SLC9A2: variants seen among roughly 807,000 people sequenced by gnomAD.
SLC9A2 encodes the protein sodium/hydrogen exchanger 2.
Under a neutral mutation model 71.7 loss-of-function variants are expected in SLC9A2, and 42 were observed. The observed-to-expected ratio is 0.59, with a 90% CI of 0.46 to 0.76. The LOEUF (loss-of-function observed/expected upper bound fraction) is 0.76. Among genes scored for constraint, SLC9A2 ranks in the 30% least tolerant of loss-of-function variants. The pLI is 0.00. For synonymous variants in SLC9A2, 396 were observed against 392.5 expected, an observed-to-expected ratio of 1.01 and a Z score of -0.10; for missense variants, 829 against 1,017.4, an observed-to-expected ratio of 0.81 and a Z score of 2.52.
chr2:102,670,178 A>ATT (rs397709089), intron 3 of SLC9A2, among the ~76,000 whole-genome samples: 4,921 of 145,732 alleles, frequency 0.034, 177 homozygotes, highest in Middle Eastern at 0.085. Flanking sequence ...CTACCCAGCT[A>ATT]TTTTTTTTTT....
chr2:102,670,599 CA>C (rs66543071), intron 3 of SLC9A2, among the ~76,000 whole-genome samples: 4,635 of 80,132 alleles, frequency 0.058, 41 homozygotes, highest in African/African-American at 0.13. Context: ...CTCCCCCCAC[CA>C]AAAAAAAAAA....
chr2:102,634,711 A>AT (rs879521086), intron 1 of SLC9A2, among the ~76,000 whole-genome samples: 24 of 151,898 alleles, frequency 1.6e-4, no homozygotes, highest in Non-Finnish European at 8.8e-5. Flanking sequence ...TAAAAAAATC[A>AT]TTTTTTTTCT....
chr2:102,708,396 T>A lies in SLC9A2; in HGVS notation c.2346T>A (p.Thr782=), dbSNP rs781651524. The change falls in exon 12 of 12, where the codon ACT becomes ACA. Residue 782 remains threonine, a synonymous_variant. Coordinates refer to ENST00000233969, the MANE Select transcript of SLC9A2 (RefSeq NM_003048.6). The part of the protein sequence containing the change: ...QSGSEREDSL[T]EGIPPKPPPR... ...GCTCAGAGAGGGAAGACAGTTTGAC[T>A]GAAGGCATCCCGCCCAAGCCGCCAC... is the stretch of plus-strand genomic sequence containing the variant. 1 of 1,614,070 alleles carries A rather than the reference T, an allele frequency of 6.2e-7. No homozygotes were observed. The highest frequency in any genetic ancestry group is 1.7e-5 in the Admixed American group (1 of 60,002).
At position 102,646,768 on chromosome 2, in the gene SLC9A2, A is replaced by AATATAT. The variant is rs201347551; in HGVS notation, c.290-10779_290-10774dup. On this transcript the variant is annotated intron_variant, in intron 1 of 11. Transcript: ENST00000233969. The stretch of plus-strand genomic sequence containing the variant: ...GCAGCAAGAAGAGCTAACGATCCTA[A>AATATAT]ATATATATATATATATATATATCTC... Among the ~76,000 whole-genome samples, 737 of 132,916 alleles carry AATATAT rather than the reference A, an allele frequency of 5.5e-3. 22 individuals carry two copies. Among genetic ancestry groups the AATATAT allele is most frequent in the African/African-American group, 8.0e-3 (256 of 32,146 alleles). The allele number at this position is 132,916 out of a possible 152,430, so 87.2% of individuals were successfully genotyped here.
chr2:102,672,976 A>G (rs1180273477), intron 3 of SLC9A2, among the ~76,000 whole-genome samples: 1 of 151,820 alleles, frequency 6.6e-6, no homozygotes, highest in Non-Finnish European at 1.5e-5. Context: ...ATTAAGGTCT[A>G]TAGGTCTTTA....
At chr2:102,666,593 T>C (rs887291088) in intron 3 of SLC9A2, among the ~76,000 whole-genome samples, 4 of 152,200 alleles carry the variant, frequency 2.6e-5, no homozygotes, top group African/African-American at 9.7e-5. Context: ...ATGCACTAAC[T>C]GGTTCTGAAG....
intron 5 of SLC9A2, among the ~76,000 whole-genome samples, chr2:102,692,638 T>G (rs1677686273): frequency 6.6e-6 from 1 of 152,220 alleles, no homozygotes; most frequent in Non-Finnish European, 1.5e-5. Context: ...CAGTTCATTT[T>G]CATGTCTGTA....
At chr2:102,655,390 A>G (rs1676918804) in intron 1 of SLC9A2, among the ~76,000 whole-genome samples, 1 of 152,050 alleles carries the variant, frequency 6.6e-6, no homozygotes, top group Non-Finnish European at 1.5e-5. Flanking sequence ...CTGACCTCAG[A>G]TGATCCACCT....
At chr2:102,697,973 T>C (rs1677798869) in intron 7 of SLC9A2, among the ~76,000 whole-genome samples, 1 of 151,986 alleles carries the variant, frequency 6.6e-6, no homozygotes, top group Non-Finnish European at 1.5e-5. Flanking sequence ...ATAGAATGCC[T>C]ATGTGTAGCT....
At chr2:102,676,215 C>T (rs1234017876) in intron 3 of SLC9A2, among the ~76,000 whole-genome samples, 11 of 152,198 alleles carry the variant, frequency 7.2e-5, no homozygotes, top group Non-Finnish European at 1.2e-4. Flanking sequence ...GACCAGGAGT[C>T]TTCCACCTGG....
At position 102,708,365 on chromosome 2, in the gene SLC9A2, A is replaced by T. The variant is rs1573439317; in HGVS notation, c.2315A>T (p.Gln772Leu). The T allele has an allele frequency of 1.2e-6, 2 of 1,614,234 alleles. No individual in the cohort carries two copies. The highest frequency in any genetic ancestry group is 4.5e-5 in the East Asian group (2 of 44,876). Residue 772 changes from glutamine to leucine, a missense_variant, in exon 12 of 12, where the codon CAG becomes CTG. Gln to Leu is a moderately radical substitution (Grantham distance 113). Transcript: ENST00000233969. Reference protein sequence around the residue: ...LLQQPLLSKDQSGSEREDSLT... With the variant: ...LLQQPLLSKDLSGSEREDSLT... The stretch of plus-strand genomic sequence containing the variant: ...CAGCAGCCCCTTCTCTCTAAAGACC[A>T]GTCTGGCTCAGAGAGGGAAGACAGT...
At chr2:102,638,192 C>CT (rs5833034) in intron 1 of SLC9A2, among the ~76,000 whole-genome samples, 135,254 of 152,162 alleles carry the variant, frequency 0.89, 60,426 homozygotes, top group East Asian at 1. Flanking sequence ...CTGCTTCAGA[C>CT]TTTTCATGTT....
intron 5 of SLC9A2, among the ~76,000 whole-genome samples, chr2:102,685,271 T>A (rs566411870): frequency 4.0e-4 from 60 of 151,726 alleles, no homozygotes; most frequent in African/African-American, 1.4e-3. Context: ...TGGCACAGAG[T>A]GTGGTGTGGA....
At chr2:102,671,268 T>A (rs1457512898) in intron 3 of SLC9A2, among the ~76,000 whole-genome samples, 1 of 152,200 alleles carries the variant, frequency 6.6e-6, no homozygotes, top group African/African-American at 2.4e-5. Context: ...GTTTTACTTT[T>A]AATTATAGTG....
At chr2:102,632,313 A>T (rs1328929307) in intron 1 of SLC9A2, among the ~76,000 whole-genome samples, 1 of 146,822 alleles carries the variant, frequency 6.8e-6, no homozygotes, top group Non-Finnish European at 1.5e-5. Flanking sequence ...GCAGGGGAGT[A>T]CATCATTTAT....
At chr2:102,630,577 C>T (rs1396417437) in intron 1 of SLC9A2, among the ~76,000 whole-genome samples, 2 of 151,870 alleles carry the variant, frequency 1.3e-5, no homozygotes, top group Non-Finnish European at 2.9e-5. Context: ...TACTTCCATG[C>T]TTCTTAACAG....
At position 102,657,583 on chromosome 2, in the gene SLC9A2, G is replaced by A. The variant is rs199869459; in HGVS notation, c.309G>A (p.Lys103=). 7 of 1,606,582 alleles carry A rather than the reference G, an allele frequency of 4.4e-6. No homozygotes were observed. Residue 103 remains lysine (K), a synonymous_variant, in exon 2 of 12, where the codon AAG becomes AAA. Coordinates refer to ENST00000233969, the MANE Select transcript of SLC9A2 (RefSeq NM_003048.6). ...TACCAGGCTTCCATCTGTATCACAA[G>A]TTGCCCACAATAGTGCCTGAGAGCT... The part of the protein sequence containing the change: ...LAKIGFHLYH[K]LPTIVPESCL...
rs66536273 is a variant in SLC9A2, at chr2:102,642,434, G to GT, written c.290-15120dup. Among the ~76,000 whole-genome samples, 185 of 150,880 alleles carry GT rather than the reference G, an allele frequency of 1.2e-3. 2 individuals are homozygous for GT. In the South Asian group the frequency reaches 0.027, roughly 22 times the overall value. Reference sequence around the variant, plus strand: ...CTGCATCAATTGATATAATCGTGTGGTTTTTTTTTTCTTTAGCCTATCGAT... The same window carrying GT: ...CTGCATCAATTGATATAATCGTGTGGTTTTTTTTTTTCTTTAGCCTATCGAT... On this transcript the variant is annotated intron_variant, in intron 1 of 11. Transcript: ENST00000233969.
rs202037069 is a variant in SLC9A2, at chr2:102,710,451, A to C, written c.*1962A>C. 2.7e-4 allele frequency: 25 copies of C among 93,596 alleles called. No homozygotes were observed. The highest frequency in any genetic ancestry group is 7.9e-4 in the African/African-American group (24 of 30,268). 5.8% of individuals were successfully genotyped at this position (93,596 alleles called of 1,614,324 possible). On this transcript the variant is annotated 3_prime_UTR_variant, in exon 12 of 12. Transcript: ENST00000233969. ...GTTTCCTATGTTTATAACTATTATA[A>C]AGAGTTTAACTTTCTGGAACTGAAG...
Sources: allele counts gnomAD v4.1 joint callset (sites outside exome capture counted in the v4.1 genomes callset), GRCh38; gene constraint gnomAD v4.1.1; transcripts MANE v1.5; gene names NCBI Gene and HGNC (gene_info 2026-07-23, HGNC 2026-07-21).